The following TFAP2A variants were observed in gnomAD, a reference collection of about 807,000 sequenced individuals.
TFAP2A encodes transcription factor AP-2 alpha.
In TFAP2A, 7 loss-of-function variants were observed where a neutral mutation model predicts 41.5. The observed-to-expected ratio is 0.17, with a 90% CI of 0.10 to 0.32. The LOEUF (loss-of-function observed/expected upper bound fraction) is 0.32, where lower values mean the gene tolerates loss of function less well. TFAP2A is among the 10% of genes least tolerant of loss of function. The probability of loss-of-function intolerance (pLI) is 1.00; values close to 1 mark genes in which losing one functional copy is unlikely to be tolerated. For synonymous variants in TFAP2A, 247 were observed against 242.8 expected, an observed-to-expected ratio of 1.02 and a Z score of -0.16; for missense variants, 416 against 563.3, an observed-to-expected ratio of 0.74 and a Z score of 2.65.
In TFAP2A at chr6:10,413,662, TG is replaced by T. The variant is rs1758102468; in HGVS notation, c.51+1278del. ...CAGGGAAGAGCCAGTACCCGTGGGATGTCACCCCGTCCCCATCTACCGGGGT... is the reference window on the plus strand; with the variant it reads ...CAGGGAAGAGCCAGTACCCGTGGGATTCACCCCGTCCCCATCTACCGGGGT... On this transcript the variant is annotated intron_variant, in intron 1 of 6. Coordinates refer to ENST00000379613, the MANE Select transcript of TFAP2A (RefSeq NM_001372066.1). 2.6e-5 allele frequency among the ~76,000 whole-genome samples: 4 copies of T among 152,164 alleles called. No homozygotes were observed. The South Asian group carries it at 8.3e-4, about 32-fold the overall frequency.
At chr6:10,406,914 G>T in intron 2 of TFAP2A, 70 bp from the exon 3 acceptor site, 2 of 1,199,244 alleles carry the variant, frequency 1.7e-6, no homozygotes, top group Non-Finnish European at 1.2e-6. Flanking sequence ...TTCCCTGCAA[G>T]ATGGGAGGAG....
At position 10,410,174 on chromosome 6, in the gene TFAP2A, C is replaced by A. The variant is rs765135263; in HGVS notation, c.213G>T (p.Ser71=). ...PPPYQPIYPQ[S]QDPYSHVNDP... is the part of the protein sequence containing the mutation. Reference sequence around the variant, plus strand: ...CGTTGACGTGGGAGTAAGGATCTTGCGACTGGGGGTAGATAGGCTGGTAGG... The same window carrying A: ...CGTTGACGTGGGAGTAAGGATCTTGAGACTGGGGGTAGATAGGCTGGTAGG... Residue 71 remains serine, a synonymous_variant, in exon 2 of 7, where the codon TCG becomes TCT. Coordinates refer to ENST00000379613, the MANE Select transcript of TFAP2A (RefSeq NM_001372066.1). 2.0e-6 allele frequency: 3 copies of A among 1,521,818 alleles called. No homozygotes were observed. Among genetic ancestry groups the A allele is most frequent in the Admixed American group, 1.9e-5 (1 of 51,468 alleles). The allele number at this position is 1,521,818 out of a possible 1,614,324, so 94.3% of individuals were successfully genotyped here.
intron 5 of TFAP2A, among the ~76,000 whole-genome samples, chr6:10,401,747 G>A (rs533963531): frequency 6.6e-5 from 10 of 152,256 alleles, no homozygotes; most frequent in Middle Eastern, 3.4e-3. Context: ...ATTCATTCCA[G>A]TACACCAAAA....
chr6:10,397,451 C>A lies in TFAP2A; in HGVS notation c.*966G>T, dbSNP rs898830681. 1 of 151,668 alleles carries A rather than the reference C, an allele frequency of 6.6e-6. No homozygotes were observed. The highest frequency in any genetic ancestry group is 2.4e-5 in the African/African-American group (1 of 41,242). The allele number at this position is 151,668 out of a possible 1,614,324, so 9.4% of individuals were successfully genotyped here. A position where few individuals can be genotyped will look rare whatever the true frequency, so the allele number is the denominator to read the frequency against. On this transcript the variant is annotated 3_prime_UTR_variant, in exon 7 of 7. Coordinates refer to ENST00000379613, the MANE Select transcript of TFAP2A (RefSeq NM_001372066.1). The stretch of plus-strand genomic sequence containing the variant: ...CAATGAAAAGCTAAATGTAATAATA[C>A]TAATTATAGATAAAATTTTATTTTA...
chr6:10,419,068 G>A (rs996171373), upstream of TFAP2A, among the ~76,000 whole-genome samples: 5 of 151,934 alleles, frequency 3.3e-5, no homozygotes, highest in Non-Finnish European at 5.9e-5. Context: ...CCCCCCTTCC[G>A]AATTAGTCAT....
At chr6:10,414,736 G>C in intron 1 of TFAP2A, 1 of 731,356 alleles carries the variant, frequency 1.4e-6, no homozygotes, top group Non-Finnish European at 2.3e-6. Context: ...CTTCAAAGTA[G>C]GGAAACCAAA....
chr6:10,407,752 C>G (rs568481448), intron 2 of TFAP2A: 1 of 152,250 alleles, frequency 6.6e-6, no homozygotes, highest in South Asian at 2.1e-4. Flanking sequence ...AATACTGATT[C>G]GAACATTTTC....
chr6:10,403,118 C>T (rs567404814), intron 4 of TFAP2A, among the ~76,000 whole-genome samples: 1 of 152,344 alleles, frequency 6.6e-6, no homozygotes, highest in East Asian at 1.9e-4. Flanking sequence ...TGCCATGTCA[C>T]CAGCCTAACT....
intron 2 of TFAP2A, 103 bp downstream of exon 2, chr6:10,409,798 T>C (rs1257643155): frequency 1.0e-5 from 14 of 1,370,956 alleles, no homozygotes; most frequent in Non-Finnish European, 1.3e-5. Context: ...AAGGAAATAC[T>C]AGGGAGAACC....
chr6:10,412,180 G>A (rs1758000474), intron 1 of TFAP2A: 2 of 987,672 alleles, frequency 2.0e-6, no homozygotes, highest in Non-Finnish European at 2.4e-6. Flanking sequence ...GTGGGGAGAG[G>A]GAGCGCGAGA....
intron 1 of TFAP2A, chr6:10,411,498 C>T: frequency 1.2e-6 from 2 of 1,612,408 alleles, no homozygotes; most frequent in Non-Finnish European, 1.7e-6. Flanking sequence ...AGGTTTCGGG[C>T]AGCTCCACGG....
intron 1 of TFAP2A, chr6:10,411,679 G>A: frequency 6.2e-7 from 1 of 1,605,128 alleles, no homozygotes; most frequent in Non-Finnish European, 8.5e-7. Flanking sequence ...GCCCGAGCGC[G>A]CCCCACACAA....
intron 1 of TFAP2A, among the ~76,000 whole-genome samples, chr6:10,411,217 G>C (rs925198191): frequency 2.0e-5 from 3 of 152,212 alleles, no homozygotes; most frequent in African/African-American, 7.2e-5. Flanking sequence ...ACACCGCGCT[G>C]CACTTTTCCT....
chr6:10,411,054 C>A lies in TFAP2A; in HGVS notation c.52-719G>T, dbSNP rs368736802. Reference sequence around the variant, plus strand: ...TGCACCCCGGGGCTGTGGCCCCCCCCCCCCGCCCCTTCCACCCCAGCCCCA... The same window carrying A: ...TGCACCCCGGGGCTGTGGCCCCCCCACCCCGCCCCTTCCACCCCAGCCCCA... On this transcript the variant is annotated intron_variant, in intron 1 of 6. Coordinates refer to ENST00000379613, the MANE Select transcript of TFAP2A (RefSeq NM_001372066.1). The A allele has an allele frequency of 6.0e-3, 893 of 147,818 alleles. 26 individuals carry two copies. The highest frequency in any genetic ancestry group is 0.036 in the South Asian group (156 of 4,350). The allele number at this position is 147,818 out of a possible 1,614,324, so 9.2% of individuals were successfully genotyped here.
chr6:10,410,070 T>A lies in TFAP2A; in HGVS notation c.317A>T (p.Glu106Val). ...CCGGTGCGTGTGCAGGAGCCCAGAC[T>A]CCTGGCTCTGCCTCTGGCCGGGCCA... ...PGWPGQRQSQ[E>V]SGLLHTHRGL... The change falls in exon 2 of 7, where the codon GAG (glutamate) becomes GTG (valine). Residue 106 changes from glutamate (E) to valine (V), a missense_variant. Transcript: ENST00000379613. 1 of 1,612,924 alleles carries A rather than the reference T, an allele frequency of 6.2e-7. No homozygotes were observed. The highest frequency in any genetic ancestry group is 8.5e-7 in the Non-Finnish European group (1 of 1,179,856).
At chr6:10,406,447 A>G (rs1757716297) in intron 3 of TFAP2A, 1 of 349,450 alleles carries the variant, frequency 2.9e-6, no homozygotes, top group Non-Finnish European at 5.4e-6. Flanking sequence ...TTAGCATTAT[A>G]CACTTCTTAA....
At chr6:10,415,135 G>A (rs979882401), upstream of TFAP2A, 6 of 1,560,978 alleles carry the variant, frequency 3.8e-6, no homozygotes, top group African/African-American at 2.7e-5. Context: ...AAGGAGGAGG[G>A]AGAGGAGGAG....
chr6:10,415,440 G>T, upstream of TFAP2A: 1 of 325,598 alleles, frequency 3.1e-6, no homozygotes, highest in Non-Finnish European at 5.4e-6. Context: ...CCTGCGAACT[G>T]ATAAAACCTT....
At chr6:10,404,864 G>A (rs1419676947) in intron 3 of TFAP2A, 125 bp from the exon 4 acceptor site, 5 of 818,018 alleles carry the variant, frequency 6.1e-6, no homozygotes, top group Admixed American at 2.4e-5. Context: ...CCGCTTTTCC[G>A]TCCGGCTCTG....
Sources: allele counts gnomAD v4.1 joint callset (sites outside exome capture counted in the v4.1 genomes callset), GRCh38; gene constraint gnomAD v4.1.1; transcripts MANE v1.5; gene names NCBI Gene and HGNC (gene_info 2026-07-23, HGNC 2026-07-21).